The following CLYBL variants were observed in gnomAD, a reference collection of about 807,000 sequenced individuals.
The protein encoded by CLYBL is citramalyl-CoA lyase.
A neutral mutation model predicts 38.9 loss-of-function variants in CLYBL; 31 were observed. The observed-to-expected ratio is 0.80, with a 90% confidence interval of 0.60 to 1.08. The LOEUF (loss-of-function observed/expected upper bound fraction) is 1.08, where lower values mean the gene tolerates loss of function less well. Ranked by LOEUF, CLYBL falls within the 50% of genes least tolerant of loss-of-function variation. The pLI, the probability that CLYBL is intolerant of heterozygous loss-of-function variation, is 0.00. For missense variants in CLYBL, 434 were observed against 411.6 expected, an observed-to-expected ratio of 1.05 and a Z score of -0.47; for synonymous variants, 171 against 158.6, an observed-to-expected ratio of 1.08 and a Z score of -0.59.
intron 2 of CLYBL, among the ~76,000 whole-genome samples, chr13:99,789,587 T>C (rs2049872834): frequency 6.6e-6 from 1 of 152,244 alleles, no homozygotes; most frequent in Non-Finnish European, 1.5e-5. Flanking sequence ...TTCTGTTCTT[T>C]GACATTTGCT....
intron 2 of CLYBL, among the ~76,000 whole-genome samples, chr13:99,783,504 C>T (rs1449600282): frequency 3.4e-5 from 5 of 148,704 alleles, no homozygotes; most frequent in African/African-American, 1.2e-4. Context: ...TCACCCAGGC[C>T]GGAGTGCAGT....
At chr13:99,776,542 G>T (rs1019366202) in intron 2 of CLYBL, among the ~76,000 whole-genome samples, 1 of 150,530 alleles carries the variant, frequency 6.6e-6, no homozygotes. Flanking sequence ...CTCTATCTAG[G>T]ACTTAATTTT....
intron 1 of CLYBL, among the ~76,000 whole-genome samples, chr13:99,635,673 A>G (rs2047008460): frequency 6.6e-6 from 1 of 152,158 alleles, no homozygotes; most frequent in Non-Finnish European, 1.5e-5. Context: ...ACTCTTGTTA[A>G]TGCTCTGTCC....
At chr13:99,610,351 G>A (rs2763936) in intron 1 of CLYBL, among the ~76,000 whole-genome samples, 23 of 152,138 alleles carry the variant, frequency 1.5e-4, no homozygotes, top group Non-Finnish European at 3.4e-4. Flanking sequence ...CTTTCTTTTC[G>A]TTGCATGTCT....
chr13:99,618,353 T>G (rs1244433385), intron 1 of CLYBL, among the ~76,000 whole-genome samples: 1 of 151,988 alleles, frequency 6.6e-6, no homozygotes, highest in African/African-American at 2.4e-5. Flanking sequence ...CACTGCAACC[T>G]CTGCCTCCTG....
chr13:99,857,327 A>G (rs2051483641), intron 2 of CLYBL, among the ~76,000 whole-genome samples: 1 of 152,122 alleles, frequency 6.6e-6, no homozygotes, highest in Non-Finnish European at 1.5e-5. Context: ...AAAAAAGAGA[A>G]GATTTTCGTA....
intron 2 of CLYBL, among the ~76,000 whole-genome samples, chr13:99,852,494 A>T (rs1416938572): frequency 3.3e-5 from 5 of 152,244 alleles, no homozygotes; most frequent in Admixed American, 3.3e-4. Flanking sequence ...ACTGTATGTC[A>T]TGTGAACTTT....
intron 1 of CLYBL, among the ~76,000 whole-genome samples, chr13:99,706,064 T>C (rs892105996): frequency 3.9e-5 from 6 of 152,068 alleles, no homozygotes; most frequent in African/African-American, 7.2e-5. Context: ...TCCAAGTAGC[T>C]GGGATTACAG....
At chr13:99,909,170 G>C (rs1468952904) in exon 10 of CLYBL, among the ~76,000 whole-genome samples, 1 of 152,220 alleles carries the variant, frequency 6.6e-6, no homozygotes, top group Non-Finnish European at 1.5e-5. Context: ...AAGCAAGACA[G>C]AAATATGTAC....
At chr13:99,735,802 A>G (rs1448907438) in intron 1 of CLYBL, among the ~76,000 whole-genome samples, 2 of 152,108 alleles carry the variant, frequency 1.3e-5, no homozygotes, top group Non-Finnish European at 2.9e-5. Flanking sequence ...ACCATTGAGA[A>G]TATGTTTGTT....
At chr13:99,622,864 C>T (rs1472903884) in intron 1 of CLYBL, among the ~76,000 whole-genome samples, 1 of 152,110 alleles carries the variant, frequency 6.6e-6, no homozygotes, top group Non-Finnish European at 1.5e-5. Flanking sequence ...AGTATAGTGG[C>T]ACCGTCACCC....
chr13:99,687,527 A>G (rs1225998639), intron 1 of CLYBL, among the ~76,000 whole-genome samples: 2 of 152,214 alleles, frequency 1.3e-5, no homozygotes, highest in East Asian at 3.9e-4. Context: ...AAATACAATT[A>G]GGATAATTCT....
At chr13:99,837,806 C>T (rs1354176681) in intron 2 of CLYBL, among the ~76,000 whole-genome samples, 1 of 152,210 alleles carries the variant, frequency 6.6e-6, no homozygotes, top group Admixed American at 6.6e-5. Context: ...TTTAGAAGCA[C>T]GTGTCCGAGC....
chr13:99,713,334 CTTTTTTT>C (rs759844768), intron 1 of CLYBL, among the ~76,000 whole-genome samples: 45 of 101,682 alleles, frequency 4.4e-4, no homozygotes, highest in Non-Finnish European at 6.8e-4. Flanking sequence ...TTCTCTATTT[CTTTTTTT>C]TTTTTTTTTT....
chr13:99,876,389 C>A (rs1185464274), intron 7 of CLYBL, among the ~76,000 whole-genome samples: 1 of 141,172 alleles, frequency 7.1e-6, no homozygotes, highest in African/African-American at 2.7e-5. Flanking sequence ...CCACTGCAAT[C>A]CAGCCTGGGT....
intron 1 of CLYBL, among the ~76,000 whole-genome samples, chr13:99,735,796 T>C (rs1050660641): frequency 1.3e-5 from 2 of 152,148 alleles, no homozygotes; most frequent in African/African-American, 2.4e-5. Flanking sequence ...AAATCTACCA[T>C]TGAGAATATG....
At position 99,749,819 on chromosome 13, in the gene CLYBL, C is replaced by T. The variant is rs72653927; in HGVS notation, c.63-23005C>T. Among the ~76,000 whole-genome samples the T allele has an allele frequency of 7.9e-3, 1,199 of 152,230 alleles. 7 individuals carry two copies. The highest frequency in any genetic ancestry group is 0.011 in the Non-Finnish European group (776 of 68,020). On this transcript the variant is annotated intron_variant, in intron 1 of 8. Transcript: ENST00000339105. ...GCTCCCGTGTCCATGGAAAGCTCCC[C>T]TTTCTCCTTGCATGGTTGCCATAGT...
chr13:99,884,955 G>A (rs769896647), intron 7 of CLYBL: 21 of 472,778 alleles, frequency 4.4e-5, no homozygotes, highest in Middle Eastern at 3.2e-4. Context: ...ACCAACTACC[G>A]AACTTGTGTC....
intron 2 of CLYBL, among the ~76,000 whole-genome samples, chr13:99,774,575 G>A (rs1252479326): frequency 6.6e-6 from 1 of 152,108 alleles, no homozygotes; most frequent in Non-Finnish European, 1.5e-5. Context: ...CTTGCGCCAG[G>A]TGACCTGAAA....
Sources: gnomAD v4.1 joint callset for allele counts (sites outside exome capture counted in the v4.1 genomes callset) on GRCh38, gnomAD v4.1.1 for gene constraint, MANE v1.5 for transcripts, NCBI Gene and HGNC (gene_info 2026-07-23, HGNC 2026-07-21) for gene names.